Variants in NCOA3 observed in about 807,000 individuals in gnomAD.
The protein encoded by NCOA3 is nuclear receptor coactivator 3.
Under a neutral mutation model 158.8 loss-of-function variants are expected in NCOA3, and 51 were observed. The ratio of observed to expected loss-of-function variants is 0.32; its 90% CI spans 0.26 to 0.41. The LOEUF (loss-of-function observed/expected upper bound fraction) is 0.41. Ranked by LOEUF, NCOA3 falls within the 10% of genes least tolerant of loss-of-function variation. The probability of loss-of-function intolerance (pLI) is 1.00; values close to 1 mark genes in which losing one functional copy is unlikely to be tolerated. For missense variants in NCOA3, 1,510 were observed against 1,746.6 expected (o/e 0.86, Z 2.41); for synonymous variants, 537 against 592.4 (o/e 0.91, Z 1.36).
intron 8 of NCOA3, chr20:47,630,771 C>T (rs1244625064): frequency 6.6e-6 from 1 of 152,420 alleles, no homozygotes; most frequent in Non-Finnish European, 1.5e-5. Flanking sequence ...CTGGGCAAGC[C>T]TTTTCAATGT....
At chr20:47,572,658 C>T (rs1335822919) in intron 1 of NCOA3, among the ~76,000 whole-genome samples, 11 of 151,972 alleles carry the variant, frequency 7.2e-5, no homozygotes, top group African/African-American at 2.7e-4. Flanking sequence ...TGCCTTAGCC[C>T]ACCAAGTAGC....
At chr20:47,641,329 T>TC (rs1282399447) in intron 16 of NCOA3, among the ~76,000 whole-genome samples, 120 of 143,596 alleles carry the variant, frequency 8.4e-4, no homozygotes, top group African/African-American at 2.6e-3. Context: ...CATTTCTTTT[T>TC]TTTTTTTTTT....
intron 1 of NCOA3, among the ~76,000 whole-genome samples, chr20:47,507,297 T>A (rs1038369897): frequency 2.0e-5 from 3 of 152,246 alleles, no homozygotes; most frequent in African/African-American, 7.2e-5. Flanking sequence ...CCATTTATTG[T>A]AACAATTTGA....
At chr20:47,633,441 C>T in intron 8 of NCOA3, 55 bp from the exon 9 acceptor site, 1 of 1,508,648 alleles carries the variant, frequency 6.6e-7, no homozygotes, top group Non-Finnish European at 9.0e-7. Context: ...TGTAGGCAGC[C>T]AGTAAATACT....
intron 1 of NCOA3, among the ~76,000 whole-genome samples, chr20:47,515,851 T>G (rs1401054357): frequency 1.3e-5 from 2 of 152,180 alleles, no homozygotes; most frequent in Admixed American, 1.3e-4. Flanking sequence ...GGCATATTAT[T>G]CAGTACTAAA....
At chr20:47,605,368 G>A (rs2146266819) in intron 2 of NCOA3, among the ~76,000 whole-genome samples, 1 of 152,102 alleles carries the variant, frequency 6.6e-6, no homozygotes, top group Admixed American at 6.5e-5. Context: ...TTATTGCAAT[G>A]TTGGTGATAT....
At chr20:47,556,609 G>A (rs763930775) in intron 1 of NCOA3, among the ~76,000 whole-genome samples, 2 of 151,908 alleles carry the variant, frequency 1.3e-5, no homozygotes, top group Admixed American at 6.6e-5. Flanking sequence ...TGCAACCTCC[G>A]CCTCCTGGGT....
In NCOA3 at chr20:47,653,358, TG is replaced by T. The variant is rs1479812629; in HGVS notation, c.4264-47del. The T allele has an allele frequency of 3.8e-6, 6 of 1,583,630 alleles. No individual in the cohort carries two copies. In the African/African-American group the frequency reaches 5.4e-5, roughly 14 times the overall value. Reference sequence around the variant, plus strand: ...GTATTTTTTTGTTGTGCAAAGCATGTGTTTTACTCATTTTTTTTTTTTTTTT... The same window carrying T: ...GTATTTTTTTGTTGTGCAAAGCATGTTTTTACTCATTTTTTTTTTTTTTTT... On this transcript the variant is annotated intron_variant, in intron 22 of 22. Transcript: ENST00000371998.
At chr20:47,547,924 G>A (rs73308181) in intron 1 of NCOA3, among the ~76,000 whole-genome samples, 6,673 of 150,860 alleles carry the variant, frequency 0.044, 432 homozygotes, top group African/African-American at 0.14. Context: ...TAAAGATGGG[G>A]TTTACCAAGT....
intron 1 of NCOA3, among the ~76,000 whole-genome samples, chr20:47,581,747 C>T (rs2085456415): frequency 2.0e-5 from 3 of 152,208 alleles, no homozygotes; most frequent in Non-Finnish European, 4.4e-5. Context: ...TTATTTATTG[C>T]AGCAGAACCT....
intron 3 of NCOA3, 128 bp from the exon 4 acceptor site, chr20:47,623,783 C>T (rs1602501989): frequency 1.1e-6 from 1 of 872,706 alleles, no homozygotes; most frequent in East Asian, 3.0e-5. Flanking sequence ...AGCGAAAACT[C>T]TGTCTCGAGG....
rs775129612 is a variant in NCOA3, at chr20:47,627,763, T to C, written c.721+14T>C. On this transcript the variant is annotated intron_variant, in intron 7 of 22. Coordinates refer to ENST00000371998, the MANE Select transcript of NCOA3 (RefSeq NM_181659.3). ...AGGAAGGGGAAGGTAAGAGCTATTA[T>C]ATGTTTGTGATGTTCATGAAACAAA... 9 of 1,610,218 alleles carry C rather than the reference T, an allele frequency of 5.6e-6. No homozygotes were observed. In the African/African-American group the frequency reaches 8.0e-5, roughly 14 times the overall value.
chr20:47,553,335 TG>T (rs1248869774), intron 1 of NCOA3, among the ~76,000 whole-genome samples: 1 of 152,196 alleles, frequency 6.6e-6, no homozygotes, highest in Non-Finnish European at 1.5e-5. Context: ...TCTCTGCTTC[TG>T]TAGAGCAGAC....
At position 47,655,840 on chromosome 20, in the gene NCOA3, A is replaced by G. The variant is rs2179591; in HGVS notation, c.*2423A>G. The G allele has an allele frequency of 0.45, 68,554 of 152,210 alleles. 15,724 individuals are homozygous for G. Among genetic ancestry groups the G allele is most frequent in the East Asian group, 0.62 (3,232 of 5,176 alleles). 9.4% of individuals were successfully genotyped at this position (152,210 alleles called of 1,614,324 possible). ...GGCTCCAGGCTAACTGGAAGGCAGC[A>G]CTCCCTTTTTTATATAGTAGAAAAA... On this transcript the variant is annotated 3_prime_UTR_variant, in exon 23 of 23. Transcript: ENST00000371998.
chr20:47,653,201 T>G, intron 22 of NCOA3, 129 bp downstream of exon 22: 1 of 1,275,842 alleles, frequency 7.8e-7, no homozygotes, highest in Non-Finnish European at 1.1e-6. Flanking sequence ...ATATAGTAAT[T>G]GAAAAAACTT....
At chr20:47,513,914 A>G (rs2084188314) in intron 1 of NCOA3, among the ~76,000 whole-genome samples, 1 of 151,982 alleles carries the variant, frequency 6.6e-6, no homozygotes, top group African/African-American at 2.4e-5. Flanking sequence ...TTATACATCA[A>G]TTTAAAGTTT....
intron 2 of NCOA3, among the ~76,000 whole-genome samples, chr20:47,621,947 G>A (rs1057336826): frequency 2.6e-5 from 4 of 152,114 alleles, no homozygotes; most frequent in Admixed American, 6.5e-5. Flanking sequence ...AAAGTGCTGG[G>A]ACTACAGGCA....
rs114796719 is a variant in NCOA3, at chr20:47,564,176, A to G, written c.-98-19007A>G. On this transcript the variant is annotated intron_variant, in intron 1 of 22. Coordinates refer to ENST00000371998, the MANE Select transcript of NCOA3 (RefSeq NM_181659.3). ...AAAACGAAAAAAAAAAAATTTATGC[A>G]CCTTTCTCCGTTTTTTTCCCCAAGT... 3.8e-3 allele frequency among the ~76,000 whole-genome samples: 581 copies of G among 151,884 alleles called. 7 individuals carry two copies. Among genetic ancestry groups the G allele is most frequent in the African/African-American group, 0.014 (564 of 41,446 alleles).
intron 2 of NCOA3, among the ~76,000 whole-genome samples, chr20:47,596,813 G>A (rs540250734): frequency 2.0e-5 from 3 of 152,040 alleles, no homozygotes; most frequent in Non-Finnish European, 2.9e-5. Flanking sequence ...GGGTGGTCTC[G>A]AACTGAGCTC....
Sources: allele counts gnomAD v4.1 joint callset (sites outside exome capture counted in the v4.1 genomes callset), GRCh38; gene constraint gnomAD v4.1.1; transcripts MANE v1.5; gene names NCBI Gene and HGNC (gene_info 2026-07-23, HGNC 2026-07-21).